The following PIGY variants were observed in gnomAD, a reference collection of about 807,000 sequenced individuals.
PIGY encodes phosphatidylinositol N-acetylglucosaminyltransferase subunit Y.
Under a neutral mutation model 4.1 loss-of-function variants are expected in PIGY, and 3 were observed. That is an observed-to-expected ratio of 0.73 (90% CI 0.33 to 1.89). The LOEUF is 1.89. Among genes scored for constraint, PIGY ranks in the 40% most tolerant of loss-of-function variants. The pLI, the probability that PIGY is intolerant of heterozygous loss-of-function variation, is 0.08. For missense variants in PIGY, 78 were observed against 80.3 expected (o/e 0.97, Z 0.11); for synonymous variants, 33 against 31.4 (o/e 1.05, Z -0.18).
rs369508492 is a variant in PIGY at position 88,521,652 on chromosome 4, G to C, written c.138C>G (p.Leu46=). 34 of 1,613,912 alleles carry C rather than the reference G, an allele frequency of 2.1e-5. No homozygotes were observed. The highest frequency in any genetic ancestry group is 2.7e-5 in the Non-Finnish European group (32 of 1,179,880). Residue 46 remains leucine, a synonymous_variant, in exon 2 of 2, where the codon CTC becomes CTG. Coordinates refer to ENST00000527353, the MANE Select transcript of PIGY (RefSeq NM_001042616.3). The part of the protein sequence containing the change: ...STASLCFYSL[L]LPITIPVYVF... ...CATACACTGGTATGGTAATAGGCAA[G>C]AGCAGGCTGTAAAAGCAAAGGCTGG...
chr4:88,523,532 A>C lies in PIGY; in HGVS notation c.-275T>G, dbSNP rs1422025145. The C allele has an allele frequency of 6.4e-7, 1 of 1,550,938 alleles. No homozygotes were observed. The highest frequency in any genetic ancestry group is 8.7e-7 in the Non-Finnish European group (1 of 1,146,810). ...TTCTTGGAGAGCGGGCACACCAGGAACTCCAGCAGCGCCGGATCGAAGTCG... is the reference window on the plus strand; with the variant it reads ...TTCTTGGAGAGCGGGCACACCAGGACCTCCAGCAGCGCCGGATCGAAGTCG... On this transcript the variant is annotated 5_prime_UTR_variant, in exon 1 of 2. Transcript: ENST00000527353.
Position 88,522,043 on chromosome 4 carries a change from A to C in PIGY, c.-240-14T>G. 6.6e-7 allele frequency: 1 copy of C among 1,522,090 alleles called. No homozygotes were observed. Among genetic ancestry groups the C allele is most frequent in the Non-Finnish European group, 8.8e-7 (1 of 1,136,370 alleles). 94.3% of individuals were successfully genotyped at this position (1,522,090 alleles called of 1,614,324 possible). ...GATGCTTCATATCTGAGGTGGAAAA[A>C]AAAAGAACAAAATGAGTTGTGGGAA... On this transcript the variant is annotated splice_polypyrimidine_tract_variant and intron_variant, in intron 1 of 1. Coordinates refer to ENST00000527353, the MANE Select transcript of PIGY (RefSeq NM_001042616.3).
Position 88,521,465 on chromosome 4 carries a change from C to T in PIGY, c.*109G>A, listed in dbSNP as rs953810214. On this transcript the variant is annotated 3_prime_UTR_variant, in exon 2 of 2. Coordinates refer to ENST00000527353, the MANE Select transcript of PIGY (RefSeq NM_001042616.3). Reference sequence around the variant, plus strand: ...CTCCCACAGTCCTAAGCCTGATATGCGCAAAGCAAAGCCTCTTTCCCGCAA... The same window carrying T: ...CTCCCACAGTCCTAAGCCTGATATGTGCAAAGCAAAGCCTCTTTCCCGCAA... 58 of 994,914 alleles carry T rather than the reference C, an allele frequency of 5.8e-5. No individual in the cohort carries two copies. The highest frequency in any genetic ancestry group is 4.2e-4 in the African/African-American group (26 of 61,534). The allele number at this position is 994,914 out of a possible 1,614,324, so 61.6% of individuals were successfully genotyped here.
At chr4:88,522,806 A>T (rs1337621590) in intron 1 of PIGY, among the ~76,000 whole-genome samples, 5 of 152,250 alleles carry the variant, frequency 3.3e-5, no homozygotes, top group Non-Finnish European at 7.3e-5. Context: ...GCCACTGGGC[A>T]GCAAACACAG....
chr4:88,523,658 C>A lies in PIGY; in HGVS notation c.-401G>T. On this transcript the variant is annotated 5_prime_UTR_variant, in exon 1 of 2. The change creates a premature stop within an existing upstream ORF in the 5' untranslated region. Transcript: ENST00000527353. ...ACCGCGGACGGCGGCGCGCGCGTTC[C>A]CCGCAGCGCTGAGGCGAGCCTGCAG... 6.5e-7 allele frequency: 1 copy of A among 1,535,458 alleles called. No individual in the cohort carries two copies. Among genetic ancestry groups the A allele is most frequent in the Non-Finnish European group, 8.7e-7 (1 of 1,143,470 alleles).
Position 88,521,892 on chromosome 4 carries a change from C to T in PIGY, c.-103G>A, listed in dbSNP as rs1313767900. ...TTAATTTTTTTAAATTATGAACTAG[C>T]GCTGCTCCACTTCTTCTTGCTTCTT... On this transcript the variant is annotated 5_prime_UTR_variant, in exon 2 of 2. Coordinates refer to ENST00000527353, the MANE Select transcript of PIGY (RefSeq NM_001042616.3). 1.5e-5 allele frequency: 23 copies of T among 1,550,216 alleles called. No individual in the cohort carries two copies. Among genetic ancestry groups the T allele is most frequent in the South Asian group, 1.4e-4 (12 of 83,582 alleles).
chr4:88,521,648 G>T lies in PIGY; in HGVS notation c.142C>A (p.Pro48Thr). Residue 48 changes from proline to threonine, a missense_variant, in exon 2 of 2, where the codon CCT becomes ACT. Pro to Thr is a conservative substitution (Grantham distance 38). Coordinates refer to ENST00000527353, the MANE Select transcript of PIGY (RefSeq NM_001042616.3). ...AATACATACACTGGTATGGTAATAG[G>T]CAAGAGCAGGCTGTAAAAGCAAAGG... ...ASLCFYSLLL[P>T]ITIPVYVFFH... 6.2e-7 allele frequency: 1 copy of T among 1,613,960 alleles called. No homozygotes were observed. The highest frequency in any genetic ancestry group is 8.5e-7 in the Non-Finnish European group (1 of 1,179,842).
intron 1 of PIGY, 25 bp downstream of exon 1, chr4:88,523,473 G>A (rs1299888661): frequency 1.3e-6 from 2 of 1,550,468 alleles, no homozygotes; most frequent in Non-Finnish European, 8.7e-7. Context: ...AGGCTGCAAA[G>A]GAAGGGCCAA....
intron 1 of PIGY, among the ~76,000 whole-genome samples, chr4:88,522,267 A>T (rs931211050): frequency 1.3e-5 from 2 of 152,162 alleles, no homozygotes; most frequent in African/African-American, 4.8e-5. Context: ...TTTTCACCTT[A>T]TTCACAAGTT....
At chr4:88,522,447 T>G (rs1742404622) in intron 1 of PIGY, among the ~76,000 whole-genome samples, 1 of 152,194 alleles carries the variant, frequency 6.6e-6, no homozygotes. Context: ...TAGAGAAACT[T>G]AACTAATCCA....
chr4:88,522,908 A>G (rs1440571384), intron 1 of PIGY, among the ~76,000 whole-genome samples: 7 of 152,204 alleles, frequency 4.6e-5, no homozygotes, highest in African/African-American at 1.7e-4. Context: ...ATCTTGGCTT[A>G]AAAACCGGAA....
rs1414881514 is a variant in PIGY, at chr4:88,521,460, A to T, written c.*114T>A. On this transcript the variant is annotated 3_prime_UTR_variant, in exon 2 of 2. Coordinates refer to ENST00000527353, the MANE Select transcript of PIGY (RefSeq NM_001042616.3). ...TAAGCCTCCCACAGTCCTAAGCCTGATATGCGCAAAGCAAAGCCTCTTTCC... is the reference window on the plus strand; with the variant it reads ...TAAGCCTCCCACAGTCCTAAGCCTGTTATGCGCAAAGCAAAGCCTCTTTCC... 5 of 925,168 alleles carry T rather than the reference A, an allele frequency of 5.4e-6. No individual in the cohort carries two copies. Among genetic ancestry groups the T allele is most frequent in the Non-Finnish European group, 8.2e-6 (5 of 608,356 alleles). The allele number at this position is 925,168 out of a possible 1,614,324, so 57.3% of individuals were successfully genotyped here.
chr4:88,523,253 A>C (rs1014895342), intron 1 of PIGY, among the ~76,000 whole-genome samples: 2 of 152,184 alleles, frequency 1.3e-5, no homozygotes. Context: ...CGCGAACCCT[A>C]AAACGCTTCG....
intron 1 of PIGY, among the ~76,000 whole-genome samples, chr4:88,522,608 A>T (rs1430816260): frequency 6.6e-6 from 1 of 152,252 alleles, no homozygotes; most frequent in African/African-American, 2.4e-5. Flanking sequence ...GGGAAAAAGA[A>T]ATACGAAAAA....
Position 88,523,696 on chromosome 4 carries a change from A to G in PIGY, c.-439T>C, listed in dbSNP as rs1273296383. ...GGCGAGCCTGCAGCGTGCTCCACTCAGCATGGTCTGGCAGCCGGAGACCAG... is the reference window on the plus strand; with the variant it reads ...GGCGAGCCTGCAGCGTGCTCCACTCGGCATGGTCTGGCAGCCGGAGACCAG... On this transcript the variant is annotated 5_prime_UTR_variant, in exon 1 of 2. Transcript: ENST00000527353. The G allele has an allele frequency of 1.4e-6, 2 of 1,475,496 alleles. No individual in the cohort carries two copies. The highest frequency in any genetic ancestry group is 1.5e-5 in the African/African-American group (1 of 68,960). 91.4% of individuals were successfully genotyped at this position (1,475,496 alleles called of 1,614,324 possible). A position where few individuals can be genotyped will look rare whatever the true frequency, so the allele number is the denominator to read the frequency against.
At chr4:88,522,721 T>C (rs773839025) in intron 1 of PIGY, among the ~76,000 whole-genome samples, 3 of 152,194 alleles carry the variant, frequency 2.0e-5, no homozygotes, top group African/African-American at 7.2e-5. Context: ...TTTTGGTAGC[T>C]TGGAAACTGT....
intron 1 of PIGY, among the ~76,000 whole-genome samples, chr4:88,523,154 G>A (rs1742437040): frequency 6.6e-6 from 1 of 152,000 alleles, no homozygotes; most frequent in South Asian, 2.1e-4. Context: ...GTCCCATCCC[G>A]CGAGCATTCC....
At chr4:88,522,080 T>C in intron 1 of PIGY, 51 bp from the exon 2 acceptor site, 2 of 1,478,632 alleles carry the variant, frequency 1.4e-6, no homozygotes, top group Non-Finnish European at 1.8e-6. Flanking sequence ...ATAAAATGCT[T>C]GAAGAGCCTG....
Position 88,521,677 on chromosome 4 carries a change from G to A in PIGY, c.113C>T (p.Ala38Val), listed in dbSNP as rs760144651. The change falls in exon 2 of 2, where the codon GCC (alanine) becomes GTC (valine). Residue 38 changes from alanine to valine, a missense_variant. Transcript: ENST00000527353. Reference protein sequence around the residue: ...ENFPQGCTSTASLCFYSLLLP... With the variant: ...ENFPQGCTSTVSLCFYSLLLP... ...GAGCAGGCTGTAAAAGCAAAGGCTG[G>A]CTGTGCTAGTGCAGCCCTGTGGGAA... 1.9e-6 allele frequency: 3 copies of A among 1,613,960 alleles called. No homozygotes were observed. The highest frequency in any genetic ancestry group is 1.1e-5 in the South Asian group (1 of 91,082).
Sources: allele counts gnomAD v4.1 joint callset (sites outside exome capture counted in the v4.1 genomes callset), GRCh38; gene constraint gnomAD v4.1.1; transcripts MANE v1.5; gene names NCBI Gene and HGNC (gene_info 2026-07-23, HGNC 2026-07-21).